DNAH14: variants seen among roughly 807,000 people sequenced by gnomAD.
DNAH14 encodes dynein axonemal heavy chain 14.
In DNAH14, 478 loss-of-function variants were observed where a neutral mutation model predicts 520.9. The ratio of observed to expected loss-of-function variants is 0.92; its 90% CI spans 0.85 to 0.99. The LOEUF is 0.99. Among genes scored for constraint, DNAH14 ranks in the 50% least tolerant of loss-of-function variants. The pLI, the probability that DNAH14 is intolerant of heterozygous loss-of-function variation, is 0.00. For missense variants in DNAH14, 4,831 were observed against 5,234.5 expected (o/e 0.92, Z 2.38); for synonymous variants, 1,581 against 1,757.2 (o/e 0.90, Z 2.51).
chr1:224,939,741 C>T (rs774100173), intron 1 of DNAH14, among the ~76,000 whole-genome samples: 1 of 152,056 alleles, frequency 6.6e-6, no homozygotes, highest in Non-Finnish European at 1.5e-5. Flanking sequence ...TGCAAGCCCA[C>T]TATATAAGAG....
At chr1:225,221,215 C>T (rs1417443187) in intron 41 of DNAH14, among the ~76,000 whole-genome samples, 2 of 152,106 alleles carry the variant, frequency 1.3e-5, no homozygotes, top group African/African-American at 4.8e-5. Flanking sequence ...TAGAAGAAAA[C>T]CTAAGCAATA....
chr1:224,969,563 T>G (rs2061382619), intron 7 of DNAH14: 1 of 194,014 alleles, frequency 5.2e-6, no homozygotes, highest in South Asian at 1.8e-4. Context: ...TAAAATTCCT[T>G]CATCCTCATC....
At chr1:225,350,310 C>T (rs1558488941) in intron 71 of DNAH14, among the ~76,000 whole-genome samples, 1 of 151,740 alleles carries the variant, frequency 6.6e-6, no homozygotes, top group African/African-American at 2.4e-5. Context: ...ACTGTAAATA[C>T]CTACATTAAA....
At chr1:225,256,904 A>G (rs955799905) in intron 44 of DNAH14, among the ~76,000 whole-genome samples, 1 of 143,604 alleles carries the variant, frequency 7.0e-6, no homozygotes, top group Admixed American at 7.0e-5. Flanking sequence ...TTGCTATTTT[A>G]AAAAAAAAAC....
chr1:225,192,820 C>T lies in DNAH14; in HGVS notation c.5795C>T (p.Thr1932Ile), dbSNP rs1322865085. Residue 1932 changes from threonine (T) to isoleucine (I), a missense_variant, in exon 38 of 86, where the codon ACA (threonine) becomes ATA (isoleucine). Transcript: ENST00000682510. ...MEWTDGLLSA[T>I]IRSYVYFNTP... ...TGGACTGATGGATTATTATCAGCAA[C>T]AATTCGAAGTTATGTATATTTTAAC... 1.9e-6 allele frequency: 3 copies of T among 1,550,192 alleles called. No homozygotes were observed. Among genetic ancestry groups the T allele is most frequent in the South Asian group, 1.2e-5 (1 of 84,026 alleles).
chr1:225,226,244 G>A (rs1240040330), intron 41 of DNAH14, among the ~76,000 whole-genome samples: 1 of 152,166 alleles, frequency 6.6e-6, no homozygotes, highest in East Asian at 1.9e-4. Context: ...CTTACCCCCA[G>A]TGGGGTCTCT....
chr1:225,290,652 T>C, intron 55 of DNAH14, among the ~76,000 whole-genome samples: 1 of 22,828 alleles, frequency 4.4e-5, no homozygotes, highest in Non-Finnish European at 9.4e-5. Flanking sequence ...TGTGTGTATA[T>C]ATATATATAT....
At chr1:224,962,182 A>G (rs2060887651) in intron 4 of DNAH14, among the ~76,000 whole-genome samples, 2 of 152,142 alleles carry the variant, frequency 1.3e-5, no homozygotes, top group Non-Finnish European at 2.9e-5. Context: ...TCTGGTGTAC[A>G]TGCTTTGTAT....
At chr1:225,342,972 C>T (rs989260826) in intron 69 of DNAH14, among the ~76,000 whole-genome samples, 1 of 151,984 alleles carries the variant, frequency 6.6e-6, no homozygotes, top group Non-Finnish European at 1.5e-5. Flanking sequence ...ACCACGCTGC[C>T]TTGGACTTCC....
At chr1:225,055,970 A>C (rs988374943) in intron 17 of DNAH14, among the ~76,000 whole-genome samples, 3 of 151,904 alleles carry the variant, frequency 2.0e-5, no homozygotes, top group African/African-American at 7.2e-5. Flanking sequence ...AGTCTTTGCT[A>C]TTGTGAATAG....
At chr1:225,299,702 C>T (rs978443339) in intron 55 of DNAH14, among the ~76,000 whole-genome samples, 3 of 152,178 alleles carry the variant, frequency 2.0e-5, no homozygotes, top group Non-Finnish European at 4.4e-5. Flanking sequence ...CTCAGGACTT[C>T]GAGATCATTG....
In DNAH14 at chr1:224,940,937, G is replaced by C. The variant is rs563988397; in HGVS notation, c.-34+11102G>C. Reference sequence around the variant, plus strand: ...CTATCATTGTTGGACATTTGGGTTGGTTCCAAGTCTTTGCTATTGTGAATA... The same window carrying C: ...CTATCATTGTTGGACATTTGGGTTGCTTCCAAGTCTTTGCTATTGTGAATA... On this transcript the variant is annotated intron_variant, in intron 1 of 85. Transcript: ENST00000682510. 2.6e-3 allele frequency among the ~76,000 whole-genome samples: 402 copies of C among 152,232 alleles called. 1 individual carries two copies. The highest frequency in any genetic ancestry group is 8.5e-3 in the African/African-American group (351 of 41,520).
At chr1:225,206,848 T>C in intron 40 of DNAH14, 120 bp from the exon 41 acceptor site, 1 of 913,868 alleles carries the variant, frequency 1.1e-6, no homozygotes, top group Non-Finnish European at 1.6e-6. Context: ...CTTTAATGAA[T>C]GACAATTCTA....
At chr1:225,053,993 G>A (rs969304268) in intron 17 of DNAH14, among the ~76,000 whole-genome samples, 1 of 152,148 alleles carries the variant, frequency 6.6e-6, no homozygotes, top group African/African-American at 2.4e-5. Context: ...TACAGTTGTT[G>A]GGTTCCCAGT....
At chr1:225,158,311 G>A (rs1284734797) in intron 34 of DNAH14, among the ~76,000 whole-genome samples, 2 of 152,106 alleles carry the variant, frequency 1.3e-5, no homozygotes, top group Non-Finnish European at 2.9e-5. Context: ...AGAGGGAACT[G>A]TTGTTTTATC....
intron 23 of DNAH14, among the ~76,000 whole-genome samples, chr1:225,106,772 G>A (rs2076090109): frequency 1.3e-5 from 2 of 152,030 alleles, no homozygotes; most frequent in Non-Finnish European, 2.9e-5. Flanking sequence ...ATTCTAGTTA[G>A]CCATTCATCT....
chr1:225,111,772 T>G (rs61483735), intron 23 of DNAH14, among the ~76,000 whole-genome samples: 19,713 of 152,030 alleles, frequency 0.13, 3,952 homozygotes, highest in African/African-American at 0.43. Flanking sequence ...TTTTGTAATT[T>G]ATTGCTTTTT....
chr1:225,270,691 C>T, intron 49 of DNAH14, 44 bp from the exon 50 acceptor site: 1 of 1,530,508 alleles, frequency 6.5e-7, no homozygotes, highest in Non-Finnish European at 8.8e-7. Flanking sequence ...ACTTCACTTC[C>T]TACAGATACA....
At chr1:225,214,086 A>G (rs530989669) in intron 41 of DNAH14, among the ~76,000 whole-genome samples, 26 of 152,282 alleles carry the variant, frequency 1.7e-4, no homozygotes, top group African/African-American at 5.8e-4. Context: ...CATCCCGTCA[A>G]TACCTAGTTT....
Sources: allele counts gnomAD v4.1 joint callset (sites outside exome capture counted in the v4.1 genomes callset), GRCh38; gene constraint gnomAD v4.1.1; transcripts MANE v1.5; gene names NCBI Gene and HGNC (gene_info 2026-07-23, HGNC 2026-07-21).